EDARADD: variants seen among roughly 807,000 people sequenced by gnomAD.
The protein encoded by EDARADD is EDAR associated via death domain.
A neutral mutation model predicts 25.6 loss-of-function variants in EDARADD; 20 were observed. The observed-to-expected ratio is 0.78, with a 90% CI of 0.55 to 1.14. The LOEUF is 1.14. Ranked by LOEUF, EDARADD falls within the 50% of genes most tolerant of loss-of-function variation. EDARADD has a pLI of 0.00. For missense variants in EDARADD, 225 were observed against 270.1 expected (o/e 0.83, Z 1.17); for synonymous variants, 86 against 94.4 (o/e 0.91, Z 0.52).
At chr1:236,476,620 G>T (rs1212479736) in intron 5 of EDARADD, among the ~76,000 whole-genome samples, 1 of 151,902 alleles carries the variant, frequency 6.6e-6, no homozygotes, top group Non-Finnish European at 1.5e-5. Context: ...CTGCCTCCTG[G>T]GTTCAAGCAA....
chr1:236,353,018 A>C (rs568931963), intron 3 of EDARADD, among the ~76,000 whole-genome samples: 84 of 139,236 alleles, frequency 6.0e-4, no homozygotes, highest in Non-Finnish European at 1.1e-3. Context: ...TCTAAAAAAA[A>C]AACAACAACA....
At chr1:236,456,649 C>CG (rs1658874752) in intron 4 of EDARADD, among the ~76,000 whole-genome samples, 1 of 152,050 alleles carries the variant, frequency 6.6e-6, no homozygotes. Context: ...ATCATGTCAC[C>CG]GCTGGGAACA....
intron 3 of EDARADD, among the ~76,000 whole-genome samples, chr1:236,385,140 A>G (rs372320459): frequency 3.2e-4 from 41 of 129,492 alleles, no homozygotes; most frequent in South Asian, 1.2e-3. Context: ...CGGGCGCGGT[A>G]GCTCACGCCT....
intron 3 of EDARADD, among the ~76,000 whole-genome samples, chr1:236,423,462 G>T (rs1258666385): frequency 6.6e-6 from 1 of 152,120 alleles, no homozygotes; most frequent in Non-Finnish European, 1.5e-5. Context: ...TGGCCTGCAT[G>T]AAAATGTCAA....
chr1:236,393,200 C>T (rs1294158865), upstream of EDARADD, among the ~76,000 whole-genome samples: 2 of 151,986 alleles, frequency 1.3e-5, no homozygotes, highest in Non-Finnish European at 2.9e-5. Context: ...GGTCCATCAG[C>T]GAAATCCAGC....
intron 4 of EDARADD, among the ~76,000 whole-genome samples, chr1:236,433,993 A>G (rs16833660): frequency 0.023 from 3,518 of 152,140 alleles, 142 homozygotes; most frequent in African/African-American, 0.08. Context: ...TTGCTCCATG[A>G]TTTTGCCATC....
chr1:236,356,446 G>C (rs781407473), intron 3 of EDARADD, among the ~76,000 whole-genome samples: 8 of 152,140 alleles, frequency 5.3e-5, no homozygotes, highest in Non-Finnish European at 8.8e-5. Flanking sequence ...TCTCCCCCAG[G>C]GATCCCCAGA....
chr1:236,429,894 T>A (rs1055744682), intron 4 of EDARADD, among the ~76,000 whole-genome samples: 2 of 152,228 alleles, frequency 1.3e-5, no homozygotes, highest in South Asian at 4.1e-4. Flanking sequence ...GCATTCAGTA[T>A]CTCAAAGGCA....
At chr1:236,449,146 C>A (rs1265847463) in intron 4 of EDARADD, among the ~76,000 whole-genome samples, 1 of 152,158 alleles carries the variant, frequency 6.6e-6, no homozygotes, top group African/African-American at 2.4e-5. Flanking sequence ...GCAACCTCTG[C>A]CTGTTCTCCC....
intron 5 of EDARADD, among the ~76,000 whole-genome samples, chr1:236,478,280 T>C (rs1659563837): frequency 6.6e-6 from 1 of 151,894 alleles, no homozygotes; most frequent in Admixed American, 6.6e-5. Flanking sequence ...GTGAAAGGTA[T>C]GCATCACATC....
chr1:236,447,169 CCTCTTTCT>C (rs1439686042), intron 4 of EDARADD, among the ~76,000 whole-genome samples: 8 of 98,778 alleles, frequency 8.1e-5, no homozygotes, highest in African/African-American at 3.6e-4. Flanking sequence ...TCCCTCCCTC[CCTCTTTCT>C]TTCTTTCTTT....
At chr1:236,467,526 GAGCCCTAATCAGAAGGGCAGA>G (rs1659239016) in intron 4 of EDARADD, among the ~76,000 whole-genome samples, 1 of 151,750 alleles carries the variant, frequency 6.6e-6, no homozygotes, top group Non-Finnish European at 1.5e-5. Context: ...TGTAAAAATG[GAGCCCTAATCAGAAGGGCAGA>G]AGCATGATTG....
intron 3 of EDARADD, among the ~76,000 whole-genome samples, chr1:236,377,122 T>TA (rs1240444079): frequency 1.4e-4 from 21 of 147,070 alleles, no homozygotes; most frequent in African/African-American, 5.0e-4. Flanking sequence ...ATATATATAT[T>TA]TTATATATAT....
intron 4 of EDARADD, among the ~76,000 whole-genome samples, chr1:236,464,685 G>T (rs533290268): frequency 6.6e-6 from 1 of 151,636 alleles, no homozygotes; most frequent in South Asian, 2.1e-4. Flanking sequence ...GGCCCGCCTC[G>T]GCCTCCCAAA....
In EDARADD at chr1:236,484,510, T is replaced by A. The variant is rs1445308151; in HGVS notation, c.*1861T>A. On this transcript the variant is annotated 3_prime_UTR_variant, in exon 6 of 6. Transcript: ENST00000334232. This position sits in a 1 kb window ranked among gnomAD's most constrained non-coding sequence, Gnocchi z 4.1. ...GCCCTTCAGTCACCTGGTGGCTAAT[T>A]AGACCCCTCCCCTTGTGTCAACTCC... 1.6e-5 allele frequency: 24 copies of A among 1,518,886 alleles called. No homozygotes were observed. The highest frequency in any genetic ancestry group is 2.1e-5 in the Non-Finnish European group (23 of 1,100,596). The allele number at this position is 1,518,886 out of a possible 1,614,324, so 94.1% of individuals were successfully genotyped here.
At chr1:236,449,603 A>G (rs188294321) in intron 4 of EDARADD, among the ~76,000 whole-genome samples, 40 of 152,308 alleles carry the variant, frequency 2.6e-4, no homozygotes, top group Non-Finnish European at 4.9e-4. Flanking sequence ...TTCTGGCTAT[A>G]TCGGTTATAC....
chr1:236,433,348 T>C (rs924704433), intron 4 of EDARADD, among the ~76,000 whole-genome samples: 16 of 151,740 alleles, frequency 1.1e-4, no homozygotes, highest in Admixed American at 3.9e-4. Context: ...CACCTGAGGT[T>C]AGGAGTTTGA....
intron 3 of EDARADD, among the ~76,000 whole-genome samples, chr1:236,363,006 A>AAAAAAATATATATATAT (rs1377112051): frequency 2.3e-5 from 1 of 42,948 alleles, no homozygotes; most frequent in African/African-American, 1.1e-4. Flanking sequence ...AAAAAAAAAA[A>AAAAAAATATATATATAT]ATATATATAT....
Position 236,468,142 on chromosome 1 carries a change from T to G in EDARADD, c.220-89T>G, listed in dbSNP as rs540478996. On this transcript the variant is annotated intron_variant, in intron 4 of 5. Coordinates refer to ENST00000334232, the MANE Select transcript of EDARADD (RefSeq NM_145861.4). ...CCACCCACCCCAGCCCCCAGGGTTT[T>G]GGTGGAAATTTAACTAAGTTGGAAG... is the stretch of plus-strand genomic sequence containing the variant. 2.5e-4 allele frequency: 337 copies of G among 1,325,730 alleles called. No individual in the cohort carries two copies. In the Middle Eastern group the frequency reaches 2.9e-3, roughly 11 times the overall value. The allele number at this position is 1,325,730 out of a possible 1,614,324, so 82.1% of individuals were successfully genotyped here. A position where few individuals can be genotyped will look rare whatever the true frequency, so the allele number is the denominator to read the frequency against.
Sources: gnomAD v4.1 joint callset for allele counts (sites outside exome capture counted in the v4.1 genomes callset) on GRCh38, gnomAD v4.1.1 for gene constraint, Gnocchi (gnomAD v3.1) non-coding constraint, MANE v1.5 for transcripts, NCBI Gene and HGNC (gene_info 2026-07-23, HGNC 2026-07-21) for gene names.